Variants in TXNDC16 observed in about 807,000 individuals in gnomAD.
TXNDC16 encodes the protein thioredoxin domain-containing protein 16.
In TXNDC16, 74 loss-of-function variants were observed where a neutral mutation model predicts 85.6. The ratio of observed to expected loss-of-function variants is 0.86; its 90% CI spans 0.72 to 1.05. The LOEUF is 1.05. Ranked by LOEUF, TXNDC16 falls within the 50% of genes least tolerant of loss-of-function variation. The probability of loss-of-function intolerance (pLI) is 0.00; values close to 1 mark genes in which losing one functional copy is unlikely to be tolerated. For synonymous variants in TXNDC16, 335 were observed against 326.5 expected (o/e 1.03, Z -0.28); for missense variants, 959 against 947.0 (o/e 1.01, Z -0.17).
At chr14:52,501,949 C>T (rs1265033130) in intron 9 of TXNDC16, among the ~76,000 whole-genome samples, 2 of 152,198 alleles carry the variant, frequency 1.3e-5, no homozygotes, top group Admixed American at 6.5e-5. Flanking sequence ...CTTAGCCACC[C>T]GCCAATAGTC....
chr14:52,542,024 T>C (rs549453983), intron 4 of TXNDC16, among the ~76,000 whole-genome samples: 2 of 152,306 alleles, frequency 1.3e-5, no homozygotes, highest in South Asian at 2.1e-4. Context: ...TAAAAACAGC[T>C]GAATTGTGGC....
chr14:52,540,647 T>C (rs1435355788), intron 4 of TXNDC16, among the ~76,000 whole-genome samples: 1 of 151,990 alleles, frequency 6.6e-6, no homozygotes, highest in Non-Finnish European at 1.5e-5. Flanking sequence ...AAAAAAAACT[T>C]CTATGGCACT....
intron 17 of TXNDC16, among the ~76,000 whole-genome samples, chr14:52,456,340 A>G (rs2035533497): frequency 6.6e-6 from 1 of 152,052 alleles, no homozygotes. Flanking sequence ...ATGGGTGATT[A>G]CCCATTGTCA....
Position 52,470,602 on chromosome 14 carries a change from A to G in TXNDC16, c.1391T>C (p.Phe464Ser), listed in dbSNP as rs2035884437. ...DVCTKQNVTE[F>S]PIIKMYKKGE... ...TTTCTTGTACATCTTTATGATAGGA[A>G]ATTCAGTAACATTTTGCTTAGTACA... The change falls in exon 15 of 21, where the codon TTT (phenylalanine) becomes TCT (serine). Residue 464 changes from phenylalanine to serine, a missense_variant. Transcript: ENST00000281741. 2.5e-6 allele frequency: 4 copies of G among 1,614,040 alleles called. No homozygotes were observed. The South Asian group carries it at 4.4e-5, about 18-fold the overall frequency.
intron 9 of TXNDC16, among the ~76,000 whole-genome samples, chr14:52,503,240 A>G (rs1397949830): frequency 6.6e-6 from 1 of 152,232 alleles, no homozygotes; most frequent in Non-Finnish European, 1.5e-5. Flanking sequence ...TGGTTCTCCC[A>G]GCACGCAGCT....
chr14:52,497,880 C>CAAAAAAAAAAAAAAAAAA (rs36007755), intron 9 of TXNDC16, among the ~76,000 whole-genome samples: 1 of 95,576 alleles, frequency 1.0e-5, no homozygotes. Flanking sequence ...GACTCTGTCT[C>CAAAAAAAAAAAAAAAAAA]AAAAAAAAAA....
chr14:52,502,295 C>T (rs916522574), intron 9 of TXNDC16, among the ~76,000 whole-genome samples: 1 of 152,204 alleles, frequency 6.6e-6, no homozygotes, highest in African/African-American at 2.4e-5. Flanking sequence ...ATGCATTATT[C>T]TGTGAAAGTG....
At chr14:52,533,944 G>A (rs2037641747) in intron 6 of TXNDC16, among the ~76,000 whole-genome samples, 1 of 152,142 alleles carries the variant, frequency 6.6e-6, no homozygotes, top group Non-Finnish European at 1.5e-5. Flanking sequence ...ATAGGGGCCT[G>A]AAGGATTAGG....
intron 6 of TXNDC16, among the ~76,000 whole-genome samples, chr14:52,536,244 G>GA (rs66498033): frequency 0.14 from 20,755 of 152,084 alleles, 1,474 homozygotes; most frequent in Non-Finnish European, 0.15. Flanking sequence ...AGGACACAGG[G>GA]AAAAGATGAC....
rs2035363115 is a variant in TXNDC16 at position 52,449,672 on chromosome 14, T to C, written c.1842+5652A>G. ...ATTCTTCTCCTGAGCATATGGATCA[T>C]TGTCAAGGATAGACTTTAGGTTAAG... On this transcript the variant is annotated intron_variant, in intron 18 of 20. Coordinates refer to ENST00000281741, the MANE Select transcript of TXNDC16 (RefSeq NM_020784.3). 2.6e-5 allele frequency among the ~76,000 whole-genome samples: 4 copies of C among 152,136 alleles called. 1 individual carries two copies. The South Asian group carries it at 8.3e-4, about 31-fold the overall frequency.
chr14:52,543,513 G>A lies in TXNDC16; in HGVS notation c.45C>T (p.Val15=), dbSNP rs1248044886. 3 of 1,613,510 alleles carry A rather than the reference G, an allele frequency of 1.9e-6. No homozygotes were observed. Among genetic ancestry groups the A allele is most frequent in the Non-Finnish European group, 2.5e-6 (3 of 1,179,688 alleles). ...TTGGCATGTAAAAAATGCACATTAT[G>A]ACAAAAGAGATCCCAACTCTAAAGA... ...FNVFRVGISF[V]IMCIFYMPTV... is the part of the protein sequence containing the mutation. The change falls in exon 3 of 21, where the codon GTC becomes GTT. Residue 15 remains valine (V), a synonymous_variant. Transcript: ENST00000281741.
intron 6 of TXNDC16, among the ~76,000 whole-genome samples, chr14:52,529,765 T>TTA (rs1213847280): frequency 1.7e-5 from 2 of 118,174 alleles, no homozygotes; most frequent in Non-Finnish European, 3.2e-5. Context: ...ATAATACCTA[T>TTA]TATATATATA....
intron 9 of TXNDC16, among the ~76,000 whole-genome samples, chr14:52,504,152 T>C (rs1257725078): frequency 1.3e-5 from 2 of 152,288 alleles, no homozygotes; most frequent in African/African-American, 4.8e-5. Flanking sequence ...CTCTGCAGGA[T>C]ATTACCCAGG....
intron 14 of TXNDC16, among the ~76,000 whole-genome samples, chr14:52,475,729 C>G (rs193215207): frequency 6.6e-6 from 1 of 152,282 alleles, no homozygotes; most frequent in East Asian, 1.9e-4. Flanking sequence ...TGGTCCTTCA[C>G]TACCCACCCT....
rs199871075 is a variant in TXNDC16 at position 52,488,831 on chromosome 14, G to GAAAAA, written c.985-350_985-346dup. ...CCTGGGCGACAAGGCGAGACTCTGG[G>GAAAAA]AAAAAAAAAAAAAAAAAACAAGTTT... On this transcript the variant is annotated intron_variant, in intron 11 of 20. Transcript: ENST00000281741. Among the ~76,000 whole-genome samples, 124 of 90,002 alleles carry GAAAAA rather than the reference G, an allele frequency of 1.4e-3. 3 individuals are homozygous for GAAAAA. Among genetic ancestry groups the GAAAAA allele is most frequent in the African/African-American group, 5.2e-3 (113 of 21,698 alleles). The allele number at this position is 90,002 out of a possible 152,430, so 59.0% of individuals were successfully genotyped here.
At chr14:52,460,899 G>A (rs2035638167) in intron 16 of TXNDC16, among the ~76,000 whole-genome samples, 1 of 151,914 alleles carries the variant, frequency 6.6e-6, no homozygotes, top group South Asian at 2.1e-4. Flanking sequence ...TTTTATTAGT[G>A]TATTATCAAT....
intron 6 of TXNDC16, among the ~76,000 whole-genome samples, chr14:52,529,717 TTA>T (rs1281508796): frequency 2.6e-5 from 3 of 116,846 alleles, no homozygotes; most frequent in East Asian, 2.4e-4. Context: ...ATAATGCCTA[TTA>T]TATATATTAT....
intron 6 of TXNDC16, among the ~76,000 whole-genome samples, chr14:52,527,838 AC>A (rs1323404751): frequency 4.6e-5 from 7 of 152,144 alleles, no homozygotes; most frequent in Non-Finnish European, 1.0e-4. Flanking sequence ...TGGACTTAAC[AC>A]CCCCTCTCCT....
intron 9 of TXNDC16, among the ~76,000 whole-genome samples, chr14:52,494,143 A>T (rs922683654): frequency 9.5e-4 from 114 of 120,382 alleles, no homozygotes; most frequent in African/African-American, 3.7e-3. Flanking sequence ...TTTAGGAAAG[A>T]TATATATATA....
Sources: allele counts gnomAD v4.1 joint callset (sites outside exome capture counted in the v4.1 genomes callset), GRCh38; gene constraint gnomAD v4.1.1; transcripts MANE v1.5; gene names NCBI Gene and HGNC (gene_info 2026-07-23, HGNC 2026-07-21).